Variants in NEGR1 observed in about 807,000 individuals in gnomAD.
NEGR1 encodes IgLON family member 4.
Under a neutral mutation model 40.9 loss-of-function variants are expected in NEGR1, and 10 were observed. The ratio of observed to expected loss-of-function variants is 0.24; its 90% CI spans 0.15 to 0.42. The LOEUF (loss-of-function observed/expected upper bound fraction) is 0.42, where lower values mean the gene tolerates loss of function less well. Ranked by LOEUF, NEGR1 falls within the 10% of genes least tolerant of loss-of-function variation. The probability of loss-of-function intolerance (pLI) is 1.00; values close to 1 mark genes in which losing one functional copy is unlikely to be tolerated. For missense variants in NEGR1, 352 were observed against 438.9 expected (o/e 0.80, Z 1.77); for synonymous variants, 185 against 166.8 (o/e 1.11, Z -0.84).
At chr1:72,126,481 T>A (rs1650028793) in intron 1 of NEGR1, among the ~76,000 whole-genome samples, 1 of 152,124 alleles carries the variant, frequency 6.6e-6, no homozygotes, top group Non-Finnish European at 1.5e-5. Flanking sequence ...ATTTAATATT[T>A]TTTGGCAGAA....
chr1:71,921,979 A>G (rs1488965994), intron 2 of NEGR1, among the ~76,000 whole-genome samples: 3 of 152,188 alleles, frequency 2.0e-5, no homozygotes, highest in Non-Finnish European at 4.4e-5. Flanking sequence ...AAGTTTTTAC[A>G]TACGTGATGA....
chr1:71,436,969 T>C (rs1242781076), intron 6 of NEGR1, among the ~76,000 whole-genome samples: 1 of 152,136 alleles, frequency 6.6e-6, no homozygotes, highest in African/African-American at 2.4e-5. Flanking sequence ...TTCACCTGCA[T>C]AGGGGCTTAG....
chr1:72,150,834 T>C (rs1651099848), intron 1 of NEGR1, among the ~76,000 whole-genome samples: 1 of 152,074 alleles, frequency 6.6e-6, no homozygotes, highest in Non-Finnish European at 1.5e-5. Context: ...TTTTGCAATG[T>C]CATTCTACAA....
intron 2 of NEGR1, among the ~76,000 whole-genome samples, chr1:71,912,685 C>A (rs1454542869): frequency 1.3e-5 from 2 of 152,056 alleles, no homozygotes; most frequent in Non-Finnish European, 2.9e-5. Context: ...GGAACTTTTA[C>A]TCCAAAGAAT....
chr1:71,559,927 C>A (rs1355777375), intron 6 of NEGR1, among the ~76,000 whole-genome samples: 1 of 151,244 alleles, frequency 6.6e-6, no homozygotes, highest in African/African-American at 2.4e-5. Context: ...CCTGCTTTTT[C>A]AACCTTACTT....
chr1:72,020,484 C>G (rs1174438315), intron 1 of NEGR1, among the ~76,000 whole-genome samples: 1 of 151,628 alleles, frequency 6.6e-6, no homozygotes, highest in Non-Finnish European at 1.5e-5. Context: ...GTGAAGAGAC[C>G]AAACAAAAAT....
At chr1:72,232,683 T>A (rs955983445) in intron 1 of NEGR1, among the ~76,000 whole-genome samples, 1 of 152,132 alleles carries the variant, frequency 6.6e-6, no homozygotes, top group African/African-American at 2.4e-5. Flanking sequence ...TGTTTTTTTG[T>A]TTATCTGGAA....
intron 2 of NEGR1, among the ~76,000 whole-genome samples, chr1:71,934,370 AAGTT>A (rs927085894): frequency 6.6e-6 from 1 of 152,148 alleles, no homozygotes; most frequent in African/African-American, 2.4e-5. Context: ...TGGAGATTGA[AAGTT>A]AGCTAGCATA....
chr1:72,025,786 C>T (rs1286088131), intron 1 of NEGR1, among the ~76,000 whole-genome samples: 3 of 152,078 alleles, frequency 2.0e-5, no homozygotes, highest in African/African-American at 7.2e-5. Context: ...AACTACGTTG[C>T]AGTTCTGGAG....
At chr1:71,554,790 C>T (rs1202195040) in intron 6 of NEGR1, among the ~76,000 whole-genome samples, 1 of 151,402 alleles carries the variant, frequency 6.6e-6, no homozygotes, top group Admixed American at 6.6e-5. Context: ...CTAGATTTCA[C>T]CAATTAGGTT....
chr1:71,777,793 A>G (rs1656563867), intron 2 of NEGR1, among the ~76,000 whole-genome samples: 1 of 152,024 alleles, frequency 6.6e-6, no homozygotes, highest in Admixed American at 6.6e-5. Flanking sequence ...AAAGTATTTG[A>G]TTATGTGTAA....
chr1:72,167,388 CTG>C (rs1355664418), intron 1 of NEGR1, among the ~76,000 whole-genome samples: 1 of 151,822 alleles, frequency 6.6e-6, no homozygotes, highest in Non-Finnish European at 1.5e-5. Flanking sequence ...ATTTAAATAA[CTG>C]AATTATAAGT....
At chr1:72,094,589 G>C (rs1215738123) in intron 1 of NEGR1, among the ~76,000 whole-genome samples, 3 of 152,086 alleles carry the variant, frequency 2.0e-5, no homozygotes, top group African/African-American at 7.2e-5. Flanking sequence ...TGGTGATTTG[G>C]GGTATAAAGA....
At chr1:72,265,240 C>T (rs1655601192) in intron 1 of NEGR1, among the ~76,000 whole-genome samples, 2 of 150,678 alleles carry the variant, frequency 1.3e-5, no homozygotes, top group African/African-American at 4.8e-5. Flanking sequence ...CTGATGATGC[C>T]AAATGAAAAT....
intron 1 of NEGR1, among the ~76,000 whole-genome samples, chr1:72,132,565 T>C (rs1485402014): frequency 6.6e-6 from 1 of 152,204 alleles, no homozygotes; most frequent in African/African-American, 2.4e-5. Context: ...TTTTTTGAAA[T>C]GACATTTCTT....
intron 3 of NEGR1, among the ~76,000 whole-genome samples, chr1:71,726,180 G>A (rs1654669240): frequency 6.6e-6 from 1 of 151,528 alleles, no homozygotes; most frequent in Admixed American, 6.6e-5. Context: ...TTTTTTTTCT[G>A]TGAAACCCAG....
chr1:71,711,162 C>A (rs1195370084), intron 3 of NEGR1, among the ~76,000 whole-genome samples: 2 of 150,660 alleles, frequency 1.3e-5, no homozygotes, highest in Non-Finnish European at 3.0e-5. Flanking sequence ...ACGGTGAAAC[C>A]CTGTCTCTAC....
intron 6 of NEGR1, among the ~76,000 whole-genome samples, chr1:71,582,251 C>T (rs1215081247): frequency 6.6e-6 from 1 of 151,888 alleles, no homozygotes; most frequent in Non-Finnish European, 1.5e-5. Flanking sequence ...AAGGGAAAAA[C>T]TATAGAAAAT....
chr1:71,852,504 C>T (rs1254393579), intron 2 of NEGR1, among the ~76,000 whole-genome samples: 1 of 152,110 alleles, frequency 6.6e-6, no homozygotes, highest in Non-Finnish European at 1.5e-5. Context: ...ATGCCACAAT[C>T]TCTAGCACTC....
Sources: allele counts gnomAD v4.1 joint callset (sites outside exome capture counted in the v4.1 genomes callset), GRCh38; gene constraint gnomAD v4.1.1; transcripts MANE v1.5; gene names NCBI Gene and HGNC (gene_info 2026-07-23, HGNC 2026-07-21).